TMEM268: variants seen among roughly 807,000 people sequenced by gnomAD.
TMEM268 encodes the protein transmembrane protein 268.
A neutral mutation model predicts 39.1 loss-of-function variants in TMEM268; 24 were observed. The ratio of observed to expected loss-of-function variants is 0.61; its 90% confidence interval spans 0.44 to 0.86. TMEM268 has a LOEUF of 0.86. Among genes scored for constraint, TMEM268 ranks in the 40% least tolerant of loss-of-function variants. The pLI is 0.00. For missense variants in TMEM268, 409 were observed against 428.6 expected, an observed-to-expected ratio of 0.95 and a Z score of 0.40; for synonymous variants, 176 against 173.5, an observed-to-expected ratio of 1.01 and a Z score of -0.12.
chr9:114,627,441 T>C (rs1846211978), intron 4 of TMEM268, among the ~76,000 whole-genome samples: 1 of 152,236 alleles, frequency 6.6e-6, no homozygotes, highest in South Asian at 2.1e-4. Context: ...TGTATACATC[T>C]TCATATTGAT....
chr9:114,628,240 A>G lies in TMEM268; in HGVS notation c.464A>G (p.His155Arg), dbSNP rs1382490611. ...ACTCTTGTGCTGGTCTTTGAAAGAC[A>G]CCAGAAGAAGGTGAGATGTCTGGAG... The part of the protein sequence containing the change: ...TLTLVLVFER[H>R]QKKANTNTDL... Residue 155 changes from histidine (H) to arginine (R), a missense_variant, in exon 5 of 9, where the codon CAC becomes CGC. Transcript: ENST00000288502. The G allele has an allele frequency of 6.2e-7, 1 of 1,614,004 alleles. No individual in the cohort carries two copies.
chr9:114,624,002 T>G (rs1846049741), intron 2 of TMEM268: 1 of 209,776 alleles, frequency 4.8e-6, no homozygotes, highest in African/African-American at 2.3e-5. Context: ...TCAATGTAGT[T>G]TTTCAGTCTC....
At chr9:114,630,797 C>A (rs1164835831) in intron 5 of TMEM268, among the ~76,000 whole-genome samples, 1 of 152,150 alleles carries the variant, frequency 6.6e-6, no homozygotes, top group African/African-American at 2.4e-5. Context: ...GTAACCAGTC[C>A]ATGGCCACAC....
At chr9:114,609,839 AGAAAG>A (rs986825335), upstream of TMEM268, among the ~76,000 whole-genome samples, 1 of 111,824 alleles carries the variant, frequency 8.9e-6, no homozygotes, top group Non-Finnish European at 1.9e-5. Flanking sequence ...AAAGAGAGAA[AGAAAG>A]AAAGAAAGAA....
chr9:114,610,893 C>T (rs1845460868), upstream of TMEM268, among the ~76,000 whole-genome samples: 1 of 152,182 alleles, frequency 6.6e-6, no homozygotes, highest in South Asian at 2.1e-4. Context: ...AACCAATGCT[C>T]TTAACAATAC....
intron 6 of TMEM268, among the ~76,000 whole-genome samples, chr9:114,636,426 C>CT (rs1420429404): frequency 1.3e-5 from 2 of 152,128 alleles, no homozygotes; most frequent in Non-Finnish European, 1.5e-5. Flanking sequence ...CGGAGTCTGT[C>CT]TGGGATGCTC....
intron 8 of TMEM268, among the ~76,000 whole-genome samples, chr9:114,642,787 G>C (rs1280859224): frequency 6.6e-6 from 1 of 151,972 alleles, no homozygotes; most frequent in East Asian, 1.9e-4. Flanking sequence ...GGCCAGCTAG[G>C]CTTAAAAAAT....
intron 1 of TMEM268, among the ~76,000 whole-genome samples, 179 bp downstream of exon 1, chr9:114,611,743 T>G (rs1026503460): frequency 6.6e-6 from 1 of 151,868 alleles, no homozygotes; most frequent in African/African-American, 2.4e-5. Flanking sequence ...CTGGGGCCCC[T>G]CCCCCGCGTG....
intron 4 of TMEM268, 100 bp downstream of exon 4, chr9:114,627,106 C>T: frequency 1.2e-6 from 1 of 835,978 alleles, no homozygotes; most frequent in Non-Finnish European, 2.0e-6. Flanking sequence ...GGGTCAGGGG[C>T]TTGGGGGCTG....
At chr9:114,609,747 GAAAGAA>G (rs773050205), upstream of TMEM268, among the ~76,000 whole-genome samples, 4,472 of 37,536 alleles carry the variant, frequency 0.12, 125 homozygotes, top group Admixed American at 0.2. Flanking sequence ...AGGAAGGAAA[GAAAGAA>G]AGAAAGAAAG....
chr9:114,613,576 A>G (rs1845589285), intron 1 of TMEM268, among the ~76,000 whole-genome samples: 1 of 152,202 alleles, frequency 6.6e-6, no homozygotes, highest in Non-Finnish European at 1.5e-5. Context: ...ACAGGAAGAA[A>G]GTAAGGCGTG....
chr9:114,640,176 G>A (rs1846838357), intron 8 of TMEM268, among the ~76,000 whole-genome samples: 1 of 151,262 alleles, frequency 6.6e-6, no homozygotes, highest in African/African-American at 2.4e-5. Flanking sequence ...ACATGCGTGT[G>A]TGGGTTTTTG....
At position 114,617,252 on chromosome 9, in the gene TMEM268, C is replaced by T. The variant is rs1399076594; in HGVS notation, c.57C>T (p.Ser19=). The T allele has an allele frequency of 6.2e-7, 1 of 1,613,430 alleles. No individual in the cohort carries two copies. Among genetic ancestry groups the T allele is most frequent in the African/African-American group, 1.3e-5 (1 of 75,006 alleles). ...CCACTGGCCCATTGCCCCCCTCCTC[C>T]CCTGGCTGGAGTGCCCTGCCTGGAG... ...PGATGPLPPS[S]PGWSALPGGS... is the part of the protein sequence containing the mutation. Residue 19 remains serine, a synonymous_variant, in exon 2 of 9, where the codon TCC becomes TCT. Transcript: ENST00000288502.
chr9:114,624,286 G>C, intron 2 of TMEM268, 64 bp from the exon 3 acceptor site: 1 of 1,546,422 alleles, frequency 6.5e-7, no homozygotes, highest in Non-Finnish European at 8.7e-7. Context: ...CCAGGCTTCG[G>C]GCTCACCCCA....
chr9:114,636,304 G>A (rs567194608), intron 6 of TMEM268, among the ~76,000 whole-genome samples: 1 of 152,170 alleles, frequency 6.6e-6, no homozygotes, highest in African/African-American at 2.4e-5. Flanking sequence ...CCTCAGACCT[G>A]GTTGTGGGCC....
rs1827438200 is a variant in TMEM268 at position 114,643,286 on chromosome 9, AG to A, written c.1005del (p.Cys336AlafsTer20). 1.2e-6 allele frequency: 2 copies of A among 1,614,134 alleles called. No homozygotes were observed. Among genetic ancestry groups the A allele is most frequent in the African/African-American group, 2.7e-5 (2 of 75,040 alleles). On this transcript the variant is annotated frameshift_variant, in exon 9 of 9. Transcript: ENST00000288502. LOFTEE classifies it high-confidence loss of function. ...QLIEAYILGTGCCPFLAR is the reference protein window; with the variant it reads ...QLIEAYILGTXCCPFLAR ...TCATAGAAGCCTACATCCTAGGCAC[AG>A]GGTGCTGCCCGTTCCTGGCGAGGTG...
chr9:114,624,238 G>A (rs1185823160), intron 2 of TMEM268, 112 bp from the exon 3 acceptor site: 7 of 1,493,966 alleles, frequency 4.7e-6, no homozygotes, highest in Non-Finnish European at 6.3e-6. Context: ...GTCCCTCCTT[G>A]TTGCGAGGAG....
intron 2 of TMEM268, among the ~76,000 whole-genome samples, chr9:114,620,063 A>C (rs1421671351): frequency 6.6e-6 from 1 of 151,982 alleles, no homozygotes; most frequent in African/African-American, 2.4e-5. Flanking sequence ...AAAATACAAA[A>C]AATTAGCCGG....
upstream of TMEM268, among the ~76,000 whole-genome samples, chr9:114,609,522 C>T (rs1401647637): frequency 6.6e-6 from 1 of 151,252 alleles, no homozygotes; most frequent in East Asian, 1.9e-4. Context: ...AAAACAAAAA[C>T]AAAAACAAAA....
Sources: allele counts gnomAD v4.1 joint callset (sites outside exome capture counted in the v4.1 genomes callset), GRCh38; gene constraint gnomAD v4.1.1; transcripts MANE v1.5; gene names NCBI Gene and HGNC (gene_info 2026-07-23, HGNC 2026-07-21).